CA8: variants seen among roughly 807,000 people sequenced by gnomAD.
CA8 encodes carbonic anhydrase 8 (inactive).
Under a neutral mutation model 41.4 loss-of-function variants are expected in CA8, and 22 were observed. That is an observed-to-expected ratio of 0.53 (90% CI 0.38 to 0.76). The LOEUF is 0.76. Ranked by LOEUF, CA8 falls within the 30% of genes least tolerant of loss-of-function variation. CA8 has a pLI of 0.00. For missense variants in CA8, 270 were observed against 352.8 expected, an observed-to-expected ratio of 0.77 and a Z score of 1.88; for synonymous variants, 121 against 130.6, an observed-to-expected ratio of 0.93 and a Z score of 0.50.
chr8:60,199,058 A>G (rs1374065815), intron 8 of CA8, among the ~76,000 whole-genome samples: 1 of 148,288 alleles, frequency 6.7e-6, no homozygotes, highest in Non-Finnish European at 1.5e-5. Context: ...GAATTTTCAC[A>G]GGCTGCTAAC....
chr8:60,210,063 C>T (rs546318546), intron 7 of CA8, among the ~76,000 whole-genome samples: 2 of 152,316 alleles, frequency 1.3e-5, no homozygotes, highest in South Asian at 4.2e-4. Context: ...ACACATTCTT[C>T]ATTCCATATA....
chr8:60,208,743 G>A lies in CA8; in HGVS notation c.*35+7C>T. On this transcript the variant is annotated splice_region_variant and intron_variant, in intron 8 of 8. Transcript: ENST00000317995. ...CACCTCATTTTCCTTACTTAATCTG[G>A]ACATACCCTCATGAAGACAGACTTG... 6.2e-7 allele frequency: 1 copy of A among 1,613,032 alleles called. No homozygotes were observed. Among genetic ancestry groups the A allele is most frequent in the Non-Finnish European group, 8.5e-7 (1 of 1,179,100 alleles).
chr8:60,211,821 C>T (rs977981984), intron 7 of CA8, among the ~76,000 whole-genome samples: 4 of 152,322 alleles, frequency 2.6e-5, no homozygotes, highest in African/African-American at 9.6e-5. Flanking sequence ...CCCCAAAACC[C>T]TTTAGTCACT....
rs1367964267 is a variant in CA8, at chr8:60,281,045, TACCTTCCTCGTAGCCCCACTCCAC to T, written c.79_100+2del. 6.2e-7 allele frequency: 1 copy of T among 1,606,640 alleles called. No homozygotes were observed. Among genetic ancestry groups the T allele is most frequent in the African/African-American group, 1.3e-5 (1 of 74,594 alleles). ...CCGGACACCCCGACTCGCGGCCACT[TACCTTCCTCGTAGCCCCACTCCAC>T]ACCCTCCTCTTCTTCCTCCTCATCC... On this transcript the variant is annotated splice_donor_variant and coding_sequence_variant, in exon 1 of 9. Coordinates refer to ENST00000317995, the MANE Select transcript of CA8 (RefSeq NM_004056.6). LOFTEE classifies it high-confidence loss of function.
intron 4 of CA8, among the ~76,000 whole-genome samples, chr8:60,229,207 A>C (rs1257049876): frequency 6.6e-6 from 1 of 150,728 alleles, no homozygotes; most frequent in Non-Finnish European, 1.5e-5. Context: ...CTTATCTTCC[A>C]CTGCACCCTC....
intron 3 of CA8, among the ~76,000 whole-genome samples, chr8:60,260,192 C>A (rs1297312469): frequency 3.8e-4 from 58 of 152,146 alleles, no homozygotes; most frequent in Non-Finnish European, 1.8e-4. Context: ...GAGGTTGTGG[C>A]CCTGAGCTAA....
At chr8:60,243,249 T>C (rs1441583805) in intron 3 of CA8, among the ~76,000 whole-genome samples, 3 of 152,074 alleles carry the variant, frequency 2.0e-5, no homozygotes, top group Non-Finnish European at 4.4e-5. Flanking sequence ...TGTCTCTGCT[T>C]CCTGCCAGGA....
chr8:60,199,227 T>G (rs1806358824), intron 8 of CA8, among the ~76,000 whole-genome samples: 1 of 152,200 alleles, frequency 6.6e-6, no homozygotes, highest in Non-Finnish European at 1.5e-5. Flanking sequence ...TTTTTTTCCC[T>G]TTGGGCATTA....
Position 60,187,891 on chromosome 8 carries a change from C to G in CA8, c.*2130G>C, listed in dbSNP as rs530723411. 2.0e-5 allele frequency: 3 copies of G among 152,254 alleles called. No individual in the cohort carries two copies. In the South Asian group the frequency reaches 6.2e-4, roughly 32 times the overall value. The allele number at this position is 152,254 out of a possible 1,614,324, so 9.4% of individuals were successfully genotyped here. A position where few individuals can be genotyped will look rare whatever the true frequency, so the allele number is the denominator to read the frequency against. On this transcript the variant is annotated 3_prime_UTR_variant, in exon 9 of 9. Coordinates refer to ENST00000317995, the MANE Select transcript of CA8 (RefSeq NM_004056.6). ...CATCACATAGGTTTTACTTTCTTTC[C>G]TATCACACCATCAAAACAGATTTGA...
At chr8:60,278,156 T>C (rs939427400) in intron 2 of CA8, among the ~76,000 whole-genome samples, 32 of 152,260 alleles carry the variant, frequency 2.1e-4, no homozygotes, top group Middle Eastern at 3.4e-3. Context: ...AAGAAAATGG[T>C]AAGTTCAAAT....
chr8:60,190,939 T>TA (rs1806104481), intron 8 of CA8, among the ~76,000 whole-genome samples: 1 of 38,984 alleles, frequency 2.6e-5, no homozygotes, highest in East Asian at 3.9e-4. Flanking sequence ...ACACACACAC[T>TA]ATATATATAT....
At chr8:60,196,836 G>A (rs1159575894) in intron 8 of CA8, among the ~76,000 whole-genome samples, 1 of 152,094 alleles carries the variant, frequency 6.6e-6, no homozygotes, top group East Asian at 1.9e-4. Flanking sequence ...AGTAAAGAGG[G>A]TCTTGTCTGG....
rs769972664 is a variant in CA8, at chr8:60,208,777, C to T, written c.*8G>A. ...TCATGAAGACAGACTTGTTCCTGTC[C>T]TCTTTGGCTACTGAAATGCAGCTCT... On this transcript the variant is annotated 3_prime_UTR_variant, in exon 8 of 9. Transcript: ENST00000317995. 1 of 1,614,082 alleles carries T rather than the reference C, an allele frequency of 6.2e-7. No homozygotes were observed. Among genetic ancestry groups the T allele is most frequent in the South Asian group, 1.1e-5 (1 of 91,072 alleles).
intron 3 of CA8, among the ~76,000 whole-genome samples, chr8:60,258,835 G>A (rs145734145): frequency 0.015 from 2,359 of 152,264 alleles, 14 homozygotes; most frequent in Non-Finnish European, 0.024. Flanking sequence ...TGATCCAACA[G>A]GAGGCGGACT....
rs1806058851 is a variant in CA8, at chr8:60,189,660, C to T, written c.*361G>A. 6.6e-6 allele frequency: 1 copy of T among 152,390 alleles called. No homozygotes were observed. Among genetic ancestry groups the T allele is most frequent in the African/African-American group, 2.4e-5 (1 of 41,398 alleles). 9.4% of individuals were successfully genotyped at this position (152,390 alleles called of 1,614,324 possible). A position where few individuals can be genotyped will look rare whatever the true frequency, so the allele number is the denominator to read the frequency against. The stretch of plus-strand genomic sequence containing the variant: ...CTACTAACACCGGGAATGTATTTTT[C>T]CTTTCTCAATATTAACACATGATAT... On this transcript the variant is annotated 3_prime_UTR_variant, in exon 9 of 9. Transcript: ENST00000317995.
intron 3 of CA8, among the ~76,000 whole-genome samples, chr8:60,262,764 A>T (rs570477257): frequency 6.6e-6 from 1 of 152,378 alleles, no homozygotes; most frequent in African/African-American, 2.4e-5. Context: ...TGGAGTATTC[A>T]CAATAGAATT....
At chr8:60,237,003 C>T (rs1807851767) in intron 3 of CA8, among the ~76,000 whole-genome samples, 1 of 152,184 alleles carries the variant, frequency 6.6e-6, no homozygotes, top group Admixed American at 6.5e-5. Flanking sequence ...ACAAGACTCA[C>T]TTCAAAGCCT....
chr8:60,259,064 C>T (rs1349870541), intron 3 of CA8, among the ~76,000 whole-genome samples: 1 of 152,190 alleles, frequency 6.6e-6, no homozygotes, highest in African/African-American at 2.4e-5. Flanking sequence ...ATAGCTGTCT[C>T]CTTAGCACTT....
rs1414922554 is a variant in CA8 at position 60,187,805 on chromosome 8, T to C, written c.*2216A>G. 6.6e-6 allele frequency: 1 copy of C among 152,178 alleles called. No homozygotes were observed. Among genetic ancestry groups the C allele is most frequent in the Non-Finnish European group, 1.5e-5 (1 of 68,016 alleles). The allele number at this position is 152,178 out of a possible 1,614,324, so 9.4% of individuals were successfully genotyped here. On this transcript the variant is annotated 3_prime_UTR_variant, in exon 9 of 9. Transcript: ENST00000317995. ...ACCCTAAATTAAATTTCAAGATCTA[T>C]GACATTTGTCATTAATTCTCCCCTT...
Sources: gnomAD v4.1 joint callset for allele counts (sites outside exome capture counted in the v4.1 genomes callset) on GRCh38, gnomAD v4.1.1 for gene constraint, MANE v1.5 for transcripts, NCBI Gene and HGNC (gene_info 2026-07-23, HGNC 2026-07-21) for gene names.